The following ZRANB3 variants were observed in gnomAD, a reference collection of about 807,000 sequenced individuals.
ZRANB3 encodes DNA annealing helicase and endonuclease ZRANB3.
Under a neutral mutation model 133.8 loss-of-function variants are expected in ZRANB3, and 125 were observed. The observed-to-expected ratio is 0.93, with a 90% CI of 0.81 to 1.08. The LOEUF (loss-of-function observed/expected upper bound fraction) is 1.08, where lower values mean the gene tolerates loss of function less well. Ranked by LOEUF, ZRANB3 falls within the 50% of genes least tolerant of loss-of-function variation. The probability of loss-of-function intolerance (pLI) is 0.00; values close to 1 mark genes in which losing one functional copy is unlikely to be tolerated. For missense variants in ZRANB3, 1,229 were observed against 1,275.5 expected (o/e 0.96, Z 0.56); for synonymous variants, 387 against 432.7 (o/e 0.89, Z 1.31).
chr2:135,478,541 T>C (rs1053385359), intron 2 of ZRANB3, among the ~76,000 whole-genome samples: 4 of 152,200 alleles, frequency 2.6e-5, no homozygotes, highest in African/African-American at 9.6e-5. Flanking sequence ...TATATAACTC[T>C]TATGTAAATG....
At chr2:135,213,948 C>T (rs561020909) in intron 17 of ZRANB3, among the ~76,000 whole-genome samples, 1 of 152,232 alleles carries the variant, frequency 6.6e-6, no homozygotes, top group East Asian at 1.9e-4. Flanking sequence ...GCTAGGACCA[C>T]AGAGAGGCCT....
chr2:135,403,787 T>C (rs1687862878), intron 2 of ZRANB3, among the ~76,000 whole-genome samples: 1 of 152,184 alleles, frequency 6.6e-6, no homozygotes, highest in African/African-American at 2.4e-5. Context: ...CAACATTTGC[T>C]GTTCACCAAT....
At chr2:135,350,397 C>A (rs1199242808) in intron 4 of ZRANB3, among the ~76,000 whole-genome samples, 182 bp from the exon 5 acceptor site, 3 of 152,138 alleles carry the variant, frequency 2.0e-5, no homozygotes, top group Admixed American at 2.0e-4. Context: ...AAACCAGGAT[C>A]CAAAATTTAC....
chr2:135,352,260 A>T (rs1239984864), intron 4 of ZRANB3, among the ~76,000 whole-genome samples: 1 of 151,910 alleles, frequency 6.6e-6, no homozygotes, highest in African/African-American at 2.4e-5. Flanking sequence ...TGAACCCAGG[A>T]TGCAGAGGTT....
intron 1 of ZRANB3, among the ~76,000 whole-genome samples, chr2:135,516,906 C>T (rs1009363030): frequency 6.6e-6 from 1 of 152,144 alleles, no homozygotes; most frequent in Non-Finnish European, 1.5e-5. Context: ...CTTTCAGGTA[C>T]ACCAATCAAA....
At chr2:135,454,270 G>C (rs999486899) in intron 2 of ZRANB3, among the ~76,000 whole-genome samples, 1 of 152,170 alleles carries the variant, frequency 6.6e-6, no homozygotes, top group African/African-American at 2.4e-5. Context: ...GGGAATTCCA[G>C]GAGATACAAT....
In ZRANB3 at chr2:135,512,779, C is replaced by A. The variant is rs567846788; in HGVS notation, c.-7-8283G>T. ...TAAAAGATTTATTAGAAAAATTTAG[C>A]CTCAAAATATATCTTAATAAATATA... is the stretch of plus-strand genomic sequence containing the variant. On this transcript the variant is annotated intron_variant, in intron 1 of 20. Coordinates refer to ENST00000264159, the MANE Select transcript of ZRANB3 (RefSeq NM_032143.4). Among the ~76,000 whole-genome samples, 33 of 151,324 alleles carry A rather than the reference C, an allele frequency of 2.2e-4. No individual in the cohort carries two copies. The South Asian group carries it at 5.9e-3, about 27-fold the overall frequency.
intron 3 of ZRANB3, among the ~76,000 whole-genome samples, chr2:135,382,311 C>T (rs188874869): frequency 9.4e-4 from 143 of 152,190 alleles, no homozygotes; most frequent in African/African-American, 3.1e-3. Flanking sequence ...TAAAAAGAAA[C>T]GAACAACGCC....
intron 6 of ZRANB3, among the ~76,000 whole-genome samples, chr2:135,342,688 T>G (rs1312106198): frequency 6.7e-6 from 1 of 149,370 alleles, no homozygotes; most frequent in African/African-American, 2.6e-5. Flanking sequence ...TTTGAGTAAT[T>G]GAATTATCAG....
At chr2:135,446,165 C>T (rs549972161) in intron 2 of ZRANB3, among the ~76,000 whole-genome samples, 1 of 149,518 alleles carries the variant, frequency 6.7e-6, no homozygotes, top group East Asian at 2.0e-4. Flanking sequence ...GAGATTGCGC[C>T]ATTGCACTCC....
rs1383809171 is a variant in ZRANB3 at position 135,470,053 on chromosome 2, G to A, written c.161+34276C>T. ...GAAAGAAATATTCTAGGTTGGGCAC[G>A]GTGATTCACGCCTGTAATCCCAGCA... On this transcript the variant is annotated intron_variant, in intron 2 of 20. Transcript: ENST00000264159. Among the ~76,000 whole-genome samples the A allele has an allele frequency of 2.7e-5, 4 of 149,728 alleles. No individual in the cohort carries two copies. The East Asian group carries it at 5.9e-4, about 22-fold the overall frequency.
In ZRANB3 at chr2:135,353,508, A is replaced by T; in HGVS notation, c.301T>A (p.Trp101Arg). The change falls in exon 4 of 21, where the codon TGG becomes AGG. Residue 101 changes from tryptophan to arginine, a missense_variant. Physicochemically the swap from Trp to Arg is moderately radical, Grantham distance 101 (BLOSUM62 -3). Coordinates refer to ENST00000264159, the MANE Select transcript of ZRANB3 (RefSeq NM_032143.4). ...RYPWTEEIEK[W>R]IPELSPEEIN... ...TCTTCTGGACTTAGCTCTGGGATCC[A>T]TTTTTCAATTTCTTCTGTCCAAGGG... is the stretch of plus-strand genomic sequence containing the variant. The T allele has an allele frequency of 6.2e-7, 1 of 1,609,914 alleles. No homozygotes were observed. Among genetic ancestry groups the T allele is most frequent in the East Asian group, 2.2e-5 (1 of 44,618 alleles).
At chr2:135,255,864 C>T (rs947120307) in intron 12 of ZRANB3, among the ~76,000 whole-genome samples, 141 of 151,326 alleles carry the variant, frequency 9.3e-4, no homozygotes, top group Middle Eastern at 6.9e-3. Flanking sequence ...AACAACCCTC[C>T]TCAAACAAAA....
chr2:135,244,179 C>T (rs1424016002), intron 12 of ZRANB3, among the ~76,000 whole-genome samples: 2 of 150,184 alleles, frequency 1.3e-5, no homozygotes, highest in East Asian at 3.9e-4. Context: ...AACAGAACAA[C>T]AAAGAAGGCT....
intron 3 of ZRANB3, among the ~76,000 whole-genome samples, chr2:135,385,577 G>T (rs1191224852): frequency 6.6e-6 from 1 of 152,062 alleles, no homozygotes; most frequent in Non-Finnish European, 1.5e-5. Context: ...ATGCTACCTG[G>T]CTTCAAACTA....
chr2:135,325,101 T>C (rs1683745206), intron 6 of ZRANB3, among the ~76,000 whole-genome samples: 1 of 152,188 alleles, frequency 6.6e-6, no homozygotes, highest in African/African-American at 2.4e-5. Flanking sequence ...TTCAATGCAA[T>C]CTGTATCAAA....
At chr2:135,321,852 G>A (rs1683541879) in intron 6 of ZRANB3, among the ~76,000 whole-genome samples, 1 of 152,054 alleles carries the variant, frequency 6.6e-6, no homozygotes, top group Non-Finnish European at 1.5e-5. Context: ...TATCAAATAT[G>A]TAGTTTACAA....
At chr2:135,364,941 C>T (rs1276660113) in intron 3 of ZRANB3, among the ~76,000 whole-genome samples, 1 of 151,566 alleles carries the variant, frequency 6.6e-6, no homozygotes, top group Non-Finnish European at 1.5e-5. Flanking sequence ...CCCAGCTACT[C>T]GGGAGGCTGA....
intron 12 of ZRANB3, among the ~76,000 whole-genome samples, chr2:135,259,451 G>C (rs1030926085): frequency 1.3e-5 from 2 of 152,116 alleles, no homozygotes; most frequent in Non-Finnish European, 2.9e-5. Flanking sequence ...TTTCGCTGTT[G>C]TTGCCCAGGC....
Sources: allele counts gnomAD v4.1 joint callset (sites outside exome capture counted in the v4.1 genomes callset), GRCh38; gene constraint gnomAD v4.1.1; transcripts MANE v1.5; gene names NCBI Gene and HGNC (gene_info 2026-07-23, HGNC 2026-07-21).